SMC5: variants seen among roughly 807,000 people sequenced by gnomAD.
The protein encoded by SMC5 is structural maintenance of chromosomes 5.
In SMC5, 88 loss-of-function variants were observed where a neutral mutation model predicts 148.3. The ratio of observed to expected loss-of-function variants is 0.59; its 90% CI spans 0.50 to 0.71. SMC5 has a LOEUF of 0.71. Ranked by LOEUF, SMC5 falls within the 30% of genes least tolerant of loss-of-function variation. The probability of loss-of-function intolerance (pLI) is 0.00; values close to 1 mark genes in which losing one functional copy is unlikely to be tolerated. For missense variants in SMC5, 1,142 were observed against 1,298.9 expected (o/e 0.88, Z 1.86); for synonymous variants, 421 against 432.8 (o/e 0.97, Z 0.34).
chr9:70,281,959 G>A (rs190376765), intron 6 of SMC5, among the ~76,000 whole-genome samples: 95 of 148,410 alleles, frequency 6.4e-4, no homozygotes, highest in Non-Finnish European at 1.2e-3. Context: ...TTTTTTTTTA[G>A]CAAATACTCC....
At chr9:70,292,206 A>G (rs757133881) in intron 8 of SMC5, among the ~76,000 whole-genome samples, 7 of 152,158 alleles carry the variant, frequency 4.6e-5, no homozygotes, top group Non-Finnish European at 8.8e-5. Flanking sequence ...AATCTTTTCT[A>G]TATCTACAGA....
intron 3 of SMC5, among the ~76,000 whole-genome samples, chr9:70,268,461 C>G (rs1351080144): frequency 1.4e-5 from 2 of 147,492 alleles, no homozygotes; most frequent in Admixed American, 6.7e-5. Flanking sequence ...CCTGCCCCCC[C>G]CAAAAAAAAA....
chr9:70,307,566 G>A lies in SMC5; in HGVS notation c.1578+2206G>A, dbSNP rs923300476. Among the ~76,000 whole-genome samples the A allele has an allele frequency of 7.2e-5, 11 of 151,898 alleles. No individual in the cohort carries two copies. In the East Asian group the frequency reaches 1.2e-3, roughly 16 times the overall value. On this transcript the variant is annotated intron_variant, in intron 11 of 24. Transcript: ENST00000361138. ...TGCCCAGGCTGGAGTGCAATGGCAC[G>A]CTCTTGGCTCACTGCAACCTCCGCT...
intron 8 of SMC5, among the ~76,000 whole-genome samples, chr9:70,294,926 G>A (rs1301789462): frequency 1.3e-5 from 2 of 152,166 alleles, no homozygotes; most frequent in Non-Finnish European, 2.9e-5. Context: ...TAAGGTTGGG[G>A]AGGATTTTCA....
At chr9:70,322,421 G>C (rs1246113973) in intron 15 of SMC5, among the ~76,000 whole-genome samples, 1 of 152,108 alleles carries the variant, frequency 6.6e-6, no homozygotes, top group Admixed American at 6.6e-5. Context: ...TGTTCACTTT[G>C]GACTACTGCA....
intron 3 of SMC5, among the ~76,000 whole-genome samples, chr9:70,276,141 C>A: frequency 6.6e-6 from 1 of 152,190 alleles, no homozygotes; most frequent in Middle Eastern, 3.2e-3. Context: ...GTACAGAATT[C>A]TCAGCTTGTG....
chr9:70,281,091 TC>T (rs1369722392), intron 6 of SMC5, among the ~76,000 whole-genome samples, 192 bp downstream of exon 6: 3 of 151,994 alleles, frequency 2.0e-5, no homozygotes, highest in African/African-American at 7.2e-5. Flanking sequence ...ATGCTGGAGT[TC>T]AGTGGTACGA....
chr9:70,320,123 A>G (rs1393337588), intron 15 of SMC5, among the ~76,000 whole-genome samples: 3 of 152,262 alleles, frequency 2.0e-5, no homozygotes, highest in African/African-American at 7.2e-5. Flanking sequence ...AATGTCTAGT[A>G]TAACTCCAAA....
At chr9:70,302,894 T>G (rs12006212) in intron 10 of SMC5, among the ~76,000 whole-genome samples, 32,699 of 151,928 alleles carry the variant, frequency 0.22, 3,660 homozygotes, top group South Asian at 0.28. Flanking sequence ...GTTTATATAC[T>G]CTGGGGGCCT....
chr9:70,310,207 T>TC (rs2035621908), intron 11 of SMC5, among the ~76,000 whole-genome samples: 1 of 152,216 alleles, frequency 6.6e-6, no homozygotes, highest in Non-Finnish European at 1.5e-5. Flanking sequence ...GAGGAGTCAT[T>TC]ATCTGTGGCA....
chr9:70,329,537 C>T (rs1023877192), intron 17 of SMC5, among the ~76,000 whole-genome samples: 9 of 152,164 alleles, frequency 5.9e-5, no homozygotes, highest in Non-Finnish European at 1.2e-4. Context: ...ATAAGTTCCT[C>T]ATCTCCATCT....
At position 70,352,174 on chromosome 9, in the gene SMC5, T is replaced by G; in HGVS notation, c.3166-17T>G. The G allele has an allele frequency of 6.3e-7, 1 of 1,595,920 alleles. No homozygotes were observed. Among genetic ancestry groups the G allele is most frequent in the African/African-American group, 1.4e-5 (1 of 73,912 alleles). ...TCAGTATATAGCTTATATGACAATT[T>G]GTTTTAATACTTACAGCTCCTGCAA... On this transcript the variant is annotated splice_polypyrimidine_tract_variant and intron_variant, in intron 24 of 24. Coordinates refer to ENST00000361138, the MANE Select transcript of SMC5 (RefSeq NM_015110.4).
intron 11 of SMC5, among the ~76,000 whole-genome samples, chr9:70,306,458 A>G (rs17052748): frequency 0.069 from 10,502 of 152,280 alleles, 579 homozygotes; most frequent in East Asian, 0.22. Flanking sequence ...AAATTATACA[A>G]TGGACTCCAA....
At chr9:70,314,352 C>G (rs1181690219) in intron 11 of SMC5, among the ~76,000 whole-genome samples, 1 of 152,154 alleles carries the variant, frequency 6.6e-6, no homozygotes, top group African/African-American at 2.4e-5. Context: ...TTTCTTTTGT[C>G]CATCTCCAGT....
chr9:70,347,228 T>C (rs2036687671), intron 20 of SMC5, 67 bp downstream of exon 20: 5 of 1,288,810 alleles, frequency 3.9e-6, no homozygotes, highest in Middle Eastern at 1.9e-4. Flanking sequence ...TACACACACA[T>C]ACACACACAG....
intron 17 of SMC5, among the ~76,000 whole-genome samples, chr9:70,326,976 TAC>T (rs1322369824): frequency 6.6e-6 from 1 of 152,164 alleles, no homozygotes; most frequent in Non-Finnish European, 1.5e-5. Flanking sequence ...TTAATGTAAT[TAC>T]AGTTTTTCAG....
intron 11 of SMC5, among the ~76,000 whole-genome samples, chr9:70,309,229 A>G (rs1420551252): frequency 6.7e-6 from 1 of 150,172 alleles, no homozygotes; most frequent in East Asian, 1.9e-4. Context: ...AATAAAATTT[A>G]CCACATTGAT....
chr9:70,314,940 C>G, intron 12 of SMC5, 104 bp downstream of exon 12: 1 of 727,770 alleles, frequency 1.4e-6, no homozygotes, highest in Non-Finnish European at 2.1e-6. Flanking sequence ...TTTAAGATCT[C>G]TTAAGTCGAA....
chr9:70,300,729 C>G (rs1314506645), intron 10 of SMC5, among the ~76,000 whole-genome samples: 1 of 152,004 alleles, frequency 6.6e-6, no homozygotes, highest in Non-Finnish European at 1.5e-5. Context: ...TTTAATAAAT[C>G]GTCTAGTGAA....
Sources: allele counts gnomAD v4.1 joint callset (sites outside exome capture counted in the v4.1 genomes callset), GRCh38; gene constraint gnomAD v4.1.1; transcripts MANE v1.5; gene names NCBI Gene and HGNC (gene_info 2026-07-23, HGNC 2026-07-21).